The following AANAT variants were observed in gnomAD, a reference collection of about 807,000 sequenced individuals.
AANAT encodes aralkylamine N-acetyltransferase.
In AANAT, 11 loss-of-function variants were observed where a neutral mutation model predicts 15.6. The ratio of observed to expected loss-of-function variants is 0.71; its 90% CI spans 0.44 to 1.17. AANAT has a LOEUF of 1.17. AANAT is among the 50% of genes most tolerant of loss of function. The probability of loss-of-function intolerance (pLI) is 0.00; values close to 1 mark genes in which losing one functional copy is unlikely to be tolerated. For missense variants in AANAT, 286 were observed against 296.3 expected (o/e 0.97, Z 0.26); for synonymous variants, 139 against 131.5 (o/e 1.06, Z -0.39).
chr17:76,469,113 G>T lies in AANAT; in HGVS notation c.164-60G>T. Reference sequence around the variant, plus strand: ...CATCTGAGTGGACACTCGGGGTGCAGCAGACAGTGGACGCGAGGCACAGCG... The same window carrying T: ...CATCTGAGTGGACACTCGGGGTGCATCAGACAGTGGACGCGAGGCACAGCG... On this transcript the variant is annotated intron_variant, in intron 2 of 3. Transcript: ENST00000392492. This position sits in a 1 kb window ranked among gnomAD's most constrained non-coding sequence, Gnocchi z 5.2. The T allele has an allele frequency of 6.2e-7, 1 of 1,603,082 alleles. No individual in the cohort carries two copies. Among genetic ancestry groups the T allele is most frequent in the Non-Finnish European group, 8.5e-7 (1 of 1,173,170 alleles).
upstream of AANAT, among the ~76,000 whole-genome samples, chr17:76,466,415 G>A (rs967744507): frequency 1.3e-5 from 2 of 152,100 alleles, no homozygotes; most frequent in Non-Finnish European, 2.9e-5. Context: ...GTGGGTGGGC[G>A]GGGGCATCGG....
rs556197358 is a variant in AANAT at position 76,460,130 on chromosome 17, A to ATTTTTT, written c.-456+795_-456+800dup. 3.6e-3 allele frequency among the ~76,000 whole-genome samples: 314 copies of ATTTTTT among 87,958 alleles called. 40 individuals are homozygous for ATTTTTT. The highest frequency in any genetic ancestry group is 0.014 in the Middle Eastern group (2 of 138). The allele number at this position is 87,958 out of a possible 152,430, so 57.7% of individuals were successfully genotyped here. On this transcript the variant is annotated intron_variant, in intron 2 of 6. Transcript: ENST00000250615. The stretch of plus-strand genomic sequence containing the variant: ...CAGCCTCAGTCACCTACTTCAGGAA[A>ATTTTTT]TTTTTTTTTTTTTTTTTTTTTTTTT...
At chr17:76,468,073 G>A (rs2073458788) in intron 1 of AANAT, among the ~76,000 whole-genome samples, 1 of 152,050 alleles carries the variant, frequency 6.6e-6, no homozygotes. Context: ...CCAGTCTGAG[G>A]CCATCTGGAT....
chr17:76,460,229 A>G (rs1386423111), intron 2 of AANAT, among the ~76,000 whole-genome samples: 1 of 134,680 alleles, frequency 7.4e-6, no homozygotes, highest in Admixed American at 8.0e-5. Context: ...ACTCACTGCA[A>G]CCTCCGCATC....
intron 1 of AANAT, among the ~76,000 whole-genome samples, chr17:76,458,924 GCTGGCTGAAGAAATGC>G (rs148977463): frequency 0.021 from 3,193 of 152,334 alleles, 86 homozygotes; most frequent in South Asian, 0.089. Context: ...CCCTCATGTG[GCTGGCTGAAGAAATGC>G]CTCCGAGGCT....
rs1380444138 is a variant in AANAT at position 76,461,122 on chromosome 17, G to A, written c.-455-1194G>A. Among the ~76,000 whole-genome samples, 23 of 151,818 alleles carry A rather than the reference G, an allele frequency of 1.5e-4. No homozygotes were observed. The East Asian group carries it at 1.9e-3, about 13-fold the overall frequency. On this transcript the variant is annotated intron_variant, in intron 2 of 6. Transcript: ENST00000250615. Reference sequence around the variant, plus strand: ...GGGGGTTTCAGTGAGCCGAAATCGCGCCACTGCACTCCAGCCTGGGCGACA... The same window carrying A: ...GGGGGTTTCAGTGAGCCGAAATCGCACCACTGCACTCCAGCCTGGGCGACA...
chr17:76,469,004 G>C lies in AANAT; in HGVS notation c.163+95G>C. The C allele has an allele frequency of 6.7e-7, 1 of 1,496,804 alleles. No homozygotes were observed. The highest frequency in any genetic ancestry group is 1.2e-5 in the South Asian group (1 of 81,666). 92.7% of individuals were successfully genotyped at this position (1,496,804 alleles called of 1,614,324 possible). A position where few individuals can be genotyped will look rare whatever the true frequency, so the allele number is the denominator to read the frequency against. On this transcript the variant is annotated intron_variant, in intron 2 of 3. Coordinates refer to ENST00000392492, the MANE Select transcript of AANAT (RefSeq NM_001088.3). This position sits in a 1 kb window ranked among gnomAD's most constrained non-coding sequence, Gnocchi z 5.2. ...TTAGTCTCCTGTCCTTGGAGGCTGG[G>C]TCCCAGAGTATCAGACCATGTGTGC...
chr17:76,467,415 C>A, upstream of AANAT: 1 of 448,602 alleles, frequency 2.2e-6, no homozygotes, highest in Non-Finnish European at 2.9e-6. Flanking sequence ...GCTCTCTTCC[C>A]CAAACCCTGG....
upstream of AANAT, among the ~76,000 whole-genome samples, chr17:76,465,300 T>G (rs1427495422): frequency 6.6e-6 from 1 of 150,636 alleles, no homozygotes; most frequent in East Asian, 1.9e-4. Context: ...GGCGTGAGGA[T>G]GATCTCGGAG....
upstream of AANAT, among the ~76,000 whole-genome samples, chr17:76,464,333 C>T (rs959506323): frequency 6.9e-6 from 1 of 144,994 alleles, no homozygotes; most frequent in Non-Finnish European, 1.5e-5. Context: ...CAGAGCAAGA[C>T]TCTGTCTTAA....
At chr17:76,466,994 G>T (rs1227797997), upstream of AANAT, among the ~76,000 whole-genome samples, 1 of 152,096 alleles carries the variant, frequency 6.6e-6, no homozygotes, top group South Asian at 2.1e-4. Context: ...AGGTGCTGGC[G>T]AGAGAAGAGC....
chr17:76,466,146 G>C, upstream of AANAT: 3 of 1,534,694 alleles, frequency 2.0e-6, no homozygotes, highest in African/African-American at 2.7e-5. Context: ...CCAAGTGACT[G>C]ATTAGGATTG....
intron 1 of AANAT, 128 bp from the exon 2 acceptor site, chr17:76,468,544 A>T: frequency 1.3e-6 from 1 of 763,866 alleles, no homozygotes; most frequent in South Asian, 1.9e-5. Context: ...GTACCTGGGG[A>T]ATGTGCCCAT....
upstream of AANAT, among the ~76,000 whole-genome samples, chr17:76,462,750 G>A (rs2143968642): frequency 6.6e-6 from 1 of 152,330 alleles, no homozygotes; most frequent in East Asian, 1.9e-4. Flanking sequence ...CTGTGGGGCA[G>A]ACCTTTAGTG....
At position 76,469,606 on chromosome 17, in the gene AANAT, TG is replaced by T. The variant is rs964666932; in HGVS notation, c.319-52del. 16 of 1,421,140 alleles carry T rather than the reference TG, an allele frequency of 1.1e-5. No homozygotes were observed. The highest frequency in any genetic ancestry group is 5.1e-5 in the East Asian group (2 of 39,358). The allele number at this position is 1,421,140 out of a possible 1,614,324, so 88.0% of individuals were successfully genotyped here. ...CCTGCTCCCTGCCTGGGTTGGTGGT[TG>T]GGGGGGAGCACGTGTCAGCAGAAGT... On this transcript the variant is annotated intron_variant, in intron 3 of 3. Transcript: ENST00000392492. The surrounding 1 kb of genome is among the most constrained non-coding windows in gnomAD (Gnocchi z 5.2).
At chr17:76,460,209 C>A (rs2073375654) in intron 2 of AANAT, among the ~76,000 whole-genome samples, 1 of 134,476 alleles carries the variant, frequency 7.4e-6, no homozygotes, top group Admixed American at 8.0e-5. Flanking sequence ...AGTGTCCTGG[C>A]AGGACCTCGA....
upstream of AANAT, among the ~76,000 whole-genome samples, chr17:76,466,953 G>A (rs2073444778): frequency 6.6e-6 from 1 of 152,178 alleles, no homozygotes; most frequent in African/African-American, 2.4e-5. Flanking sequence ...GATGGACACA[G>A]GATCTGCACT....
chr17:76,457,890 G>A (rs1467112336), intron 1 of AANAT, among the ~76,000 whole-genome samples: 1 of 152,158 alleles, frequency 6.6e-6, no homozygotes, highest in Non-Finnish European at 1.5e-5. Flanking sequence ...ACAAAAATTA[G>A]CCAGGCTTGG....
chr17:76,455,283 G>C (rs2073333415), intron 1 of AANAT, among the ~76,000 whole-genome samples: 1 of 151,762 alleles, frequency 6.6e-6, no homozygotes, highest in South Asian at 2.1e-4. Flanking sequence ...AAAACCCCAT[G>C]TCTACTAAAA....
Sources: gnomAD v4.1 joint callset for allele counts (sites outside exome capture counted in the v4.1 genomes callset) on GRCh38, gnomAD v4.1.1 for gene constraint, Gnocchi (gnomAD v3.1) non-coding constraint, MANE v1.5 for transcripts, NCBI Gene and HGNC (gene_info 2026-07-23, HGNC 2026-07-21) for gene names.